LIMCH1: variants seen among roughly 807,000 people sequenced by gnomAD.
The protein encoded by LIMCH1 is LIM and calponin homology domains 1.
In LIMCH1, 113 loss-of-function variants were observed where a neutral mutation model predicts 176.5. The ratio of observed to expected loss-of-function variants is 0.64; its 90% CI spans 0.55 to 0.75. LIMCH1 has a LOEUF of 0.75. LIMCH1 is among the 30% of genes least tolerant of loss of function. LIMCH1 has a pLI of 0.00. For missense variants in LIMCH1, 1,674 were observed against 1,814.9 expected, an observed-to-expected ratio of 0.92 and a Z score of 1.41; for synonymous variants, 619 against 645.9, an observed-to-expected ratio of 0.96 and a Z score of 0.63.
intron 1 of LIMCH1, chr4:41,361,065 G>A: frequency 1.8e-6 from 1 of 563,736 alleles, no homozygotes; most frequent in Non-Finnish European, 3.0e-6. Context: ...GCTGCTCCAG[G>A]TCACCCCCCC....
chr4:41,613,148 G>C, intron 4 of LIMCH1: 1 of 1,443,010 alleles, frequency 6.9e-7, no homozygotes, highest in Admixed American at 2.0e-5. Flanking sequence ...TTGTACTGTT[G>C]TGAATCCAAA....
intron 1 of LIMCH1, among the ~76,000 whole-genome samples, chr4:41,545,373 C>CA (rs1354975939): frequency 6.6e-6 from 1 of 151,938 alleles, no homozygotes; most frequent in Non-Finnish European, 1.5e-5. Context: ...GGATCTCCTG[C>CA]AAAAAAACAC....
At chr4:41,516,065 T>A (rs913330488) in intron 2 of LIMCH1, among the ~76,000 whole-genome samples, 13 of 152,248 alleles carry the variant, frequency 8.5e-5, no homozygotes, top group African/African-American at 3.1e-4. Flanking sequence ...CCATTTTATG[T>A]AGTTATACTA....
chr4:41,444,307 TATATATACACACACACACACACAC>T (rs2063028708), intron 1 of LIMCH1, among the ~76,000 whole-genome samples: 1 of 72,498 alleles, frequency 1.4e-5, no homozygotes, highest in African/African-American at 1.0e-4. Context: ...TGTGTGTGTA[TATATATACACACACACACACACAC>T]ACACACACAC....
chr4:41,544,483 A>T (rs572062379), intron 1 of LIMCH1, among the ~76,000 whole-genome samples: 6 of 152,252 alleles, frequency 3.9e-5, no homozygotes, highest in African/African-American at 1.4e-4. Context: ...GGAGGCCTCT[A>T]ATGTGTCAGA....
At chr4:41,419,118 GTTTTGTTTTA>G (rs2060200817) in intron 1 of LIMCH1, among the ~76,000 whole-genome samples, 3 of 128,680 alleles carry the variant, frequency 2.3e-5, no homozygotes, top group African/African-American at 8.4e-5. Flanking sequence ...AAGTCACTAC[GTTTTGTTTTA>G]TTTTATTTTA....
At chr4:41,625,790 G>A (rs1020800419) in intron 7 of LIMCH1, among the ~76,000 whole-genome samples, 44 of 152,214 alleles carry the variant, frequency 2.9e-4, no homozygotes, top group African/African-American at 9.1e-4. Context: ...AATTGGCATC[G>A]CAAATTGGCA....
intron 1 of LIMCH1, among the ~76,000 whole-genome samples, chr4:41,451,394 G>A (rs1372523128): frequency 6.6e-6 from 1 of 151,980 alleles, no homozygotes; most frequent in Non-Finnish European, 1.5e-5. Flanking sequence ...CCAAAGTGCT[G>A]GGATTACAGG....
chr4:41,416,458 C>G (rs910670676), intron 1 of LIMCH1, among the ~76,000 whole-genome samples: 2 of 151,720 alleles, frequency 1.3e-5, no homozygotes, highest in Admixed American at 6.6e-5. Flanking sequence ...TTGAGACCAG[C>G]CTGGCCAACA....
At chr4:41,494,288 AAATTATATATATAT>A in intron 1 of LIMCH1, among the ~76,000 whole-genome samples, 1 of 149,600 alleles carries the variant, frequency 6.7e-6, no homozygotes, top group East Asian at 1.9e-4. Context: ...TATTGAAAAA[AAATTATATATATAT>A]AATTATATAT....
chr4:41,542,848 T>C (rs2078853656), intron 1 of LIMCH1, among the ~76,000 whole-genome samples: 1 of 152,218 alleles, frequency 6.6e-6, no homozygotes, highest in Admixed American at 6.5e-5. Flanking sequence ...AGGGCTCATA[T>C]GAGTCAACGC....
intron 1 of LIMCH1, among the ~76,000 whole-genome samples, chr4:41,377,733 G>A (rs2054979722): frequency 2.0e-5 from 3 of 152,212 alleles, no homozygotes; most frequent in African/African-American, 7.2e-5. Context: ...GTTCTTGCTA[G>A]TGGAGACGCT....
chr4:41,472,285 A>G (rs1446464327), intron 1 of LIMCH1, among the ~76,000 whole-genome samples: 2 of 152,144 alleles, frequency 1.3e-5, no homozygotes, highest in Admixed American at 6.5e-5. Context: ...GCCTGAAGCC[A>G]TGATTTTGCC....
chr4:41,435,066 A>G (rs1055327369), intron 1 of LIMCH1, among the ~76,000 whole-genome samples: 1 of 152,168 alleles, frequency 6.6e-6, no homozygotes, highest in African/African-American at 2.4e-5. Flanking sequence ...TAAATCAAGG[A>G]TCCTGAGATG....
chr4:41,434,419 A>G (rs2061881779), intron 1 of LIMCH1, among the ~76,000 whole-genome samples: 1 of 152,252 alleles, frequency 6.6e-6, no homozygotes, highest in African/African-American at 2.4e-5. Flanking sequence ...GAGGGCAGCT[A>G]GGATGTAGAG....
chr4:41,458,873 T>C (rs1290035915), intron 1 of LIMCH1, among the ~76,000 whole-genome samples: 1 of 150,392 alleles, frequency 6.6e-6, no homozygotes, highest in Admixed American at 6.6e-5. Context: ...GAACTGACAG[T>C]GTTTAAATAG....
intron 2 of LIMCH1, among the ~76,000 whole-genome samples, chr4:41,517,499 T>C (rs1429693064): frequency 6.6e-6 from 1 of 152,166 alleles, no homozygotes; most frequent in Middle Eastern, 3.2e-3. Flanking sequence ...GATCTCTTCT[T>C]AGGTGTGCTC....
intron 1 of LIMCH1, among the ~76,000 whole-genome samples, chr4:41,419,292 C>T (rs900000076): frequency 3.4e-4 from 52 of 152,220 alleles, no homozygotes; most frequent in African/African-American, 1.2e-3. Context: ...ATTCTCCTGC[C>T]TCAGCCTCCC....
chr4:41,608,341 C>T (rs1561903557), intron 4 of LIMCH1, among the ~76,000 whole-genome samples: 1 of 152,194 alleles, frequency 6.6e-6, no homozygotes, highest in African/African-American at 2.4e-5. Flanking sequence ...GGTCATGCAT[C>T]CATATCTAGC....
Sources: allele counts gnomAD v4.1 joint callset (sites outside exome capture counted in the v4.1 genomes callset), GRCh38; gene constraint gnomAD v4.1.1; transcripts MANE v1.5; gene names NCBI Gene and HGNC (gene_info 2026-07-23, HGNC 2026-07-21).